Variants in CELSR1 observed in about 807,000 individuals in gnomAD.
The protein encoded by CELSR1 is adhesion G protein-coupled receptor C1.
Under a neutral mutation model 249.1 loss-of-function variants are expected in CELSR1, and 110 were observed. That is an observed-to-expected ratio of 0.44 (90% CI 0.38 to 0.52). The LOEUF (loss-of-function observed/expected upper bound fraction) is 0.52, where lower values mean the gene tolerates loss of function less well. CELSR1 is among the 20% of genes least tolerant of loss of function. The pLI is 0.00. For missense variants in CELSR1, 4,109 were observed against 4,296.4 expected (o/e 0.96, Z 1.22); for synonymous variants, 2,113 against 1,900.0 (o/e 1.11, Z -2.92).
chr22:46,495,083 C>A (rs149005608), intron 1 of CELSR1, among the ~76,000 whole-genome samples: 5 of 152,344 alleles, frequency 3.3e-5, no homozygotes, highest in African/African-American at 1.2e-4. Flanking sequence ...GTACAGCCTA[C>A]TACACACCTA....
At chr22:46,382,094 T>C (rs2147220680) in intron 20 of CELSR1, 44 bp from the exon 21 acceptor site, 1 of 1,461,330 alleles carries the variant, frequency 6.8e-7, no homozygotes, top group East Asian at 2.5e-5. Context: ...GGAGCACCTG[T>C]GTTCCCCAAG....
At position 46,382,025 on chromosome 22, in the gene CELSR1, G is replaced by T; in HGVS notation, c.6909C>A (p.Gly2303=). The T allele has an allele frequency of 6.5e-7, 1 of 1,549,730 alleles. No homozygotes were observed. ...EKEGPLLRPA[G]RRTTPQTTRP... ...GCGTGGTCTGCGGGGTGGTCCTCCGGCCAGCCGGCCTCAGCAGGGGGCCTT... is the reference window on the plus strand; with the variant it reads ...GCGTGGTCTGCGGGGTGGTCCTCCGTCCAGCCGGCCTCAGCAGGGGGCCTT... The change falls in exon 21 of 35, where the codon GGC becomes GGA. Residue 2303 remains glycine, a synonymous_variant. Transcript: ENST00000674500.
chr22:46,363,855 C>G lies in CELSR1; in HGVS notation c.9035+141G>C. On this transcript the variant is annotated intron_variant, in intron 34 of 34. Transcript: ENST00000674500. The surrounding 1 kb of genome is among the most constrained non-coding windows in gnomAD (Gnocchi z 4.3). ...CTCAGCTGCAGCGCCTCCCCCCTCC[C>G]CCATCCCCGCCTGGGCTTCCTCTGC... 1 of 1,174,888 alleles carries G rather than the reference C, an allele frequency of 8.5e-7. No homozygotes were observed. The highest frequency in any genetic ancestry group is 1.6e-5 in the African/African-American group (1 of 63,990). The allele number at this position is 1,174,888 out of a possible 1,614,324, so 72.8% of individuals were successfully genotyped here. A position where few individuals can be genotyped will look rare whatever the true frequency, so the allele number is the denominator to read the frequency against.
rs979096806 is a variant in CELSR1 at position 46,433,582 on chromosome 22, A to G, written c.4523-101T>C. ...AGGCATCAGGGGGAGACAGGTGCAC[A>G]TGGCCACGTCCTCCCTCCCCTCCCC... is the stretch of plus-strand genomic sequence containing the variant. On this transcript the variant is annotated intron_variant, in intron 4 of 34. Coordinates refer to ENST00000674500, the MANE Select transcript of CELSR1 (RefSeq NM_001378328.1). The surrounding 1 kb of genome is among the most constrained non-coding windows in gnomAD (Gnocchi z 5.7). 8.6e-6 allele frequency: 7 copies of G among 813,478 alleles called. No homozygotes were observed. The highest frequency in any genetic ancestry group is 6.8e-5 in the African/African-American group (4 of 58,788). The allele number at this position is 813,478 out of a possible 1,614,324, so 50.4% of individuals were successfully genotyped here. A position where few individuals can be genotyped will look rare whatever the true frequency, so the allele number is the denominator to read the frequency against.
At position 46,433,015 on chromosome 22, in the gene CELSR1, C is replaced by T. The variant is rs2079613656; in HGVS notation, c.4611+378G>A. 1.3e-5 allele frequency among the ~76,000 whole-genome samples: 2 copies of T among 151,966 alleles called. No individual in the cohort carries two copies. The highest frequency in any genetic ancestry group is 2.9e-5 in the Non-Finnish European group (2 of 67,956). ...AAATGTCTCAAGACAGAAAATCTAC[C>T]AGGGCACCTTTTTTCCTTCCTTTTT... On this transcript the variant is annotated intron_variant, in intron 5 of 34. Transcript: ENST00000674500. This position sits in a 1 kb window ranked among gnomAD's most constrained non-coding sequence, Gnocchi z 5.7.
intron 1 of CELSR1, among the ~76,000 whole-genome samples, chr22:46,505,146 C>T (rs1463582572): frequency 6.6e-6 from 1 of 151,606 alleles, no homozygotes; most frequent in Middle Eastern, 3.2e-3. Flanking sequence ...CCTGTAGTCC[C>T]AGCTACTCGG....
rs117729343 is a variant in CELSR1, at chr22:46,513,585, C to A, written c.3544+20042G>T. ...TTACCATAATGAGACACTGCCTGTA[C>A]ACTGTTATAATTGGCCCTTATCTCG... On this transcript the variant is annotated intron_variant, in intron 1 of 34. Transcript: ENST00000674500. 3.5e-3 allele frequency among the ~76,000 whole-genome samples: 538 copies of A among 152,256 alleles called. 25 individuals carry two copies. In the East Asian group the frequency reaches 0.09, roughly 26 times the overall value.
Position 46,398,498 on chromosome 22 carries a change from C to T in CELSR1, c.5526+26G>A, listed in dbSNP as rs746863645. 1.3e-6 allele frequency: 2 copies of T among 1,531,626 alleles called. No homozygotes were observed. The highest frequency in any genetic ancestry group is 2.4e-5 in the South Asian group (2 of 85,058). The allele number at this position is 1,531,626 out of a possible 1,614,324, so 94.9% of individuals were successfully genotyped here. On this transcript the variant is annotated intron_variant, in intron 11 of 34. Coordinates refer to ENST00000674500, the MANE Select transcript of CELSR1 (RefSeq NM_001378328.1). The surrounding 1 kb of genome is among the most constrained non-coding windows in gnomAD (Gnocchi z 7.2). ...AGCTGCCTGTGAGGGGCAGGCCTCC[C>T]CCCGCCCCCCACAACCCCCACGCAC...
At chr22:46,483,119 T>C (rs1348254284) in intron 1 of CELSR1, among the ~76,000 whole-genome samples, 1 of 152,184 alleles carries the variant, frequency 6.6e-6, no homozygotes, top group Non-Finnish European at 1.5e-5. Context: ...AAGCCTATTT[T>C]AGCAAGGATC....
chr22:46,465,373 G>T (rs1462632247), intron 1 of CELSR1, among the ~76,000 whole-genome samples: 2 of 152,064 alleles, frequency 1.3e-5, no homozygotes, highest in Admixed American at 1.3e-4. Context: ...GGTTTCCATG[G>T]AGCGTGGGGC....
At position 46,434,153 on chromosome 22, in the gene CELSR1, A is replaced by G. The variant is rs2079630180; in HGVS notation, c.4523-672T>C. ...CACTTTAGGTCACTTAATCAAATAA[A>G]TGTCATCTCAGGCTTTTAACAACTC... On this transcript the variant is annotated intron_variant, in intron 4 of 34. Transcript: ENST00000674500. The surrounding 1 kb of genome is among the most constrained non-coding windows in gnomAD (Gnocchi z 4.9). Among the ~76,000 whole-genome samples the G allele has an allele frequency of 6.6e-6, 1 of 152,230 alleles. No homozygotes were observed. Among genetic ancestry groups the G allele is most frequent in the Admixed American group, 6.5e-5 (1 of 15,282 alleles).
chr22:46,506,507 G>C lies in CELSR1; in HGVS notation c.3544+27120C>G, dbSNP rs938364983. Among the ~76,000 whole-genome samples the C allele has an allele frequency of 6.6e-6, 1 of 152,124 alleles. No individual in the cohort carries two copies. The highest frequency in any genetic ancestry group is 1.5e-5 in the Non-Finnish European group (1 of 68,008). On this transcript the variant is annotated intron_variant, in intron 1 of 34. Transcript: ENST00000674500. This position sits in a 1 kb window ranked among gnomAD's most constrained non-coding sequence, Gnocchi z 4.1. Reference sequence around the variant, plus strand: ...CCAACCGGCCCTGCCTCAGGTCTGCGTTCTGCCAGCCTCAGCCCCAGCCCC... The same window carrying C: ...CCAACCGGCCCTGCCTCAGGTCTGCCTTCTGCCAGCCTCAGCCCCAGCCCC...
At position 46,374,469 on chromosome 22, in the gene CELSR1, G is replaced by T. The variant is rs1436187021; in HGVS notation, c.7585-1412C>A. Among the ~76,000 whole-genome samples the T allele has an allele frequency of 6.6e-6, 1 of 152,114 alleles. No homozygotes were observed. Among genetic ancestry groups the T allele is most frequent in the African/African-American group, 2.4e-5 (1 of 41,404 alleles). On this transcript the variant is annotated intron_variant, in intron 24 of 34. Coordinates refer to ENST00000674500, the MANE Select transcript of CELSR1 (RefSeq NM_001378328.1). This position sits in a 1 kb window ranked among gnomAD's most constrained non-coding sequence, Gnocchi z 4.3. ...AGCGCTCTGAGAGATGAAAAACCTCGCCCAGAGATAGGATTGTGGGTTTAC... is the reference window on the plus strand; with the variant it reads ...AGCGCTCTGAGAGATGAAAAACCTCTCCCAGAGATAGGATTGTGGGTTTAC...
At chr22:46,480,698 G>C (rs1354124794) in intron 1 of CELSR1, among the ~76,000 whole-genome samples, 1 of 152,194 alleles carries the variant, frequency 6.6e-6, no homozygotes, top group Non-Finnish European at 1.5e-5. Flanking sequence ...GTAGTAAGAA[G>C]AGTCTGGTGC....
In CELSR1 at chr22:46,377,227, TAGGTG is replaced by T. The variant is rs1569114661; in HGVS notation, c.7413_7417del (p.Thr2472CysfsTer273). On this transcript the variant is annotated frameshift_variant, in exon 24 of 35. Transcript: ENST00000674500. LOFTEE classifies it high-confidence loss of function. The stretch of plus-strand genomic sequence containing the variant: ...TGCCAGTGACAAGGACACAGCGGCA[TAGGTG>T]ACAATCTTCAGAGGCAGGACCTCCC... 1 of 1,613,784 alleles carries T rather than the reference TAGGTG, an allele frequency of 6.2e-7. No individual in the cohort carries two copies. The highest frequency in any genetic ancestry group is 2.2e-5 in the East Asian group (1 of 44,900).
At chr22:46,460,215 A>ACACACACC (rs1555922672) in intron 2 of CELSR1, among the ~76,000 whole-genome samples, 1 of 139,668 alleles carries the variant, frequency 7.2e-6, no homozygotes, top group African/African-American at 2.8e-5. Flanking sequence ...ACACACACAC[A>ACACACACC]CCCATTAGCT....
chr22:46,438,571 C>G (rs532196377), intron 3 of CELSR1, among the ~76,000 whole-genome samples: 1 of 152,310 alleles, frequency 6.6e-6, no homozygotes, highest in Admixed American at 6.5e-5. Context: ...TCATAATTGT[C>G]CAGTGCAATA....
rs569440046 is a variant in CELSR1 at position 46,390,314 on chromosome 22, C to T, written c.6345+78G>A. On this transcript the variant is annotated intron_variant, in intron 17 of 34. Coordinates refer to ENST00000674500, the MANE Select transcript of CELSR1 (RefSeq NM_001378328.1). This position sits in a 1 kb window ranked among gnomAD's most constrained non-coding sequence, Gnocchi z 6.3. ...CCAACACTCCCCAGCCCAGGAGCCT[C>T]GGCCCACACAAACTCTCTCACGCAT... The T allele has an allele frequency of 1.8e-5, 22 of 1,200,900 alleles. No individual in the cohort carries two copies. The highest frequency in any genetic ancestry group is 1.4e-4 in the African/African-American group (9 of 64,464). 74.4% of individuals were successfully genotyped at this position (1,200,900 alleles called of 1,614,324 possible).
intron 30 of CELSR1, 54 bp downstream of exon 30, chr22:46,366,332 A>G: frequency 7.8e-7 from 1 of 1,277,254 alleles, no homozygotes; most frequent in Non-Finnish European, 1.0e-6. Flanking sequence ...TGGCAGGGGC[A>G]AAACCTGAGG....
Sources: gnomAD v4.1 joint callset for allele counts (sites outside exome capture counted in the v4.1 genomes callset) on GRCh38, gnomAD v4.1.1 for gene constraint, Gnocchi (gnomAD v3.1) non-coding constraint, MANE v1.5 for transcripts, NCBI Gene and HGNC (gene_info 2026-07-23, HGNC 2026-07-21) for gene names.